The following CPXM2 variants were observed in gnomAD, a reference collection of about 807,000 sequenced individuals.
CPXM2 encodes the protein inactive carboxypeptidase-like protein X2.
In CPXM2, 66 loss-of-function variants were observed where a neutral mutation model predicts 86.1. That is an observed-to-expected ratio of 0.77 (90% CI 0.63 to 0.94). The LOEUF is 0.94. Ranked by LOEUF, CPXM2 falls within the 40% of genes least tolerant of loss-of-function variation. The pLI, the probability that CPXM2 is intolerant of heterozygous loss-of-function variation, is 0.00. For synonymous variants in CPXM2, 388 were observed against 400.2 expected (o/e 0.97, Z 0.36); for missense variants, 948 against 1,026.3 (o/e 0.92, Z 1.04).
chr10:123,808,540 C>A (rs1230232067), intron 4 of CPXM2, among the ~76,000 whole-genome samples: 1 of 152,128 alleles, frequency 6.6e-6, no homozygotes, highest in Non-Finnish European at 1.5e-5. Flanking sequence ...TGAGACTTTT[C>A]CAGGACTCTC....
intron 7 of CPXM2, among the ~76,000 whole-genome samples, chr10:123,771,459 A>G (rs1237604236): frequency 1.6e-4 from 24 of 152,086 alleles, no homozygotes; most frequent in Admixed American, 1.6e-3. Context: ...GGCCCAAAGG[A>G]GCCTGTTTGC....
intron 8 of CPXM2, chr10:123,769,535 C>G (rs1846577963): frequency 6.6e-6 from 1 of 152,140 alleles, no homozygotes; most frequent in Non-Finnish European, 1.5e-5. Flanking sequence ...TGAGCCAAGA[C>G]TGTGCCACTG....
At chr10:123,837,452 T>G (rs1018604142) in intron 4 of CPXM2, among the ~76,000 whole-genome samples, 1 of 152,230 alleles carries the variant, frequency 6.6e-6, no homozygotes, top group Admixed American at 6.5e-5. Context: ...TGAAAAGATT[T>G]GGTTACTTCA....
chr10:123,760,551 T>C (rs1846308912), intron 11 of CPXM2, among the ~76,000 whole-genome samples: 1 of 152,196 alleles, frequency 6.6e-6, no homozygotes, highest in African/African-American at 2.4e-5. Context: ...CAAAAGTATG[T>C]GAAGGCTGAG....
intron 3 of CPXM2, chr10:123,843,251 T>C (rs994631772): frequency 2.2e-6 from 1 of 455,254 alleles, no homozygotes; most frequent in African/African-American, 2.0e-5. Context: ...CATGCCCTGC[T>C]CCAAAATTCT....
chr10:123,883,316 G>T (rs554854936), intron 1 of CPXM2, among the ~76,000 whole-genome samples: 1 of 152,256 alleles, frequency 6.6e-6, no homozygotes, highest in Non-Finnish European at 1.5e-5. Context: ...GAGGCAGCTG[G>T]TGGTTGGAAG....
intron 4 of CPXM2, among the ~76,000 whole-genome samples, chr10:123,811,152 T>G (rs1167805634): frequency 1.8e-5 from 1 of 55,004 alleles, no homozygotes; most frequent in Non-Finnish European, 3.6e-5. Context: ...TCTTTTTTCT[T>G]TTTTTTTTTA....
At chr10:123,787,043 C>T (rs953776042) in intron 6 of CPXM2, among the ~76,000 whole-genome samples, 16 of 152,096 alleles carry the variant, frequency 1.1e-4, no homozygotes, top group Non-Finnish European at 2.1e-4. Context: ...TCCAGCTGGC[C>T]CAAAAACCGT....
chr10:123,914,051 C>A, intron 2 of CPXM2: 1 of 493,174 alleles, frequency 2.0e-6, no homozygotes, highest in Non-Finnish European at 4.1e-6. Flanking sequence ...AAGTCAGTGT[C>A]ATTTGGTGGC....
chr10:123,908,686 C>G (rs1254244267), intron 2 of CPXM2, among the ~76,000 whole-genome samples: 1 of 152,132 alleles, frequency 6.6e-6, no homozygotes, highest in Non-Finnish European at 1.5e-5. Context: ...GCAGAGTTCT[C>G]CAGAACAGCT....
chr10:123,749,204 G>A (rs548299198), intron 13 of CPXM2, among the ~76,000 whole-genome samples: 14 of 152,120 alleles, frequency 9.2e-5, no homozygotes, highest in South Asian at 6.3e-4. Context: ...GGCGCTGGAC[G>A]TTGGAGGCCC....
At chr10:123,815,558 T>A (rs1229564352) in intron 4 of CPXM2, among the ~76,000 whole-genome samples, 1 of 152,062 alleles carries the variant, frequency 6.6e-6, no homozygotes, top group African/African-American at 2.4e-5. Flanking sequence ...AGTGGCAACA[T>A]CCCCTCCCCA....
chr10:123,854,363 TA>T lies in CPXM2; in HGVS notation c.513+8250del, dbSNP rs1344670478. Among the ~76,000 whole-genome samples, 1,054 of 111,578 alleles carry T rather than the reference TA, an allele frequency of 9.4e-3. 31 individuals carry two copies. Among genetic ancestry groups the T allele is most frequent in the African/African-American group, 0.041 (1,003 of 24,446 alleles). The allele number at this position is 111,578 out of a possible 152,430, so 73.2% of individuals were successfully genotyped here. ...ACAAATATATATATATATATAAAAA[TA>T]TATATATATAATATATATATAATAT... On this transcript the variant is annotated intron_variant, in intron 3 of 13. Coordinates refer to ENST00000241305, the MANE Select transcript of CPXM2 (RefSeq NM_198148.3).
chr10:123,860,983 G>C (rs1848837897), intron 3 of CPXM2, among the ~76,000 whole-genome samples: 1 of 152,222 alleles, frequency 6.6e-6, no homozygotes, highest in Non-Finnish European at 1.5e-5. Context: ...AAGTCTGTTT[G>C]ATGCGGTGCA....
intron 4 of CPXM2, 99 bp downstream of exon 4, chr10:123,842,250 C>T: frequency 6.6e-7 from 1 of 1,512,886 alleles, no homozygotes; most frequent in East Asian, 2.3e-5. Context: ...CTGCCCATCA[C>T]CAAACACCTC....
intron 1 of CPXM2, among the ~76,000 whole-genome samples, chr10:123,884,744 C>G (rs913258887): frequency 7.9e-5 from 12 of 152,200 alleles, no homozygotes; most frequent in Non-Finnish European, 1.6e-4. Flanking sequence ...CTCTCTGTCT[C>G]TCTTTCTCTC....
At chr10:123,910,017 G>C (rs1002755119) in intron 2 of CPXM2, among the ~76,000 whole-genome samples, 2 of 152,208 alleles carry the variant, frequency 1.3e-5, no homozygotes, top group African/African-American at 4.8e-5. Context: ...GGTGGGTGCA[G>C]CCAGGCAGCG....
intron 1 of CPXM2, among the ~76,000 whole-genome samples, chr10:123,889,469 CG>C (rs1945231614): frequency 7.7e-6 from 1 of 130,698 alleles, no homozygotes; most frequent in African/African-American, 2.8e-5. Flanking sequence ...TGGTGGGGGG[CG>C]GGGGCTGGGG....
At chr10:123,825,504 G>A (rs1442474971) in intron 4 of CPXM2, among the ~76,000 whole-genome samples, 8 of 152,038 alleles carry the variant, frequency 5.3e-5, no homozygotes, top group South Asian at 4.2e-4. Context: ...GTTAGTTACC[G>A]CCTTTGTGCA....
Sources: gnomAD v4.1 joint callset for allele counts (sites outside exome capture counted in the v4.1 genomes callset) on GRCh38, gnomAD v4.1.1 for gene constraint, MANE v1.5 for transcripts, NCBI Gene and HGNC (gene_info 2026-07-23, HGNC 2026-07-21) for gene names.